The following R3HDM1 variants were observed in gnomAD, a reference collection of about 807,000 sequenced individuals.
R3HDM1 encodes the protein R3H domain containing 1.
Under a neutral mutation model 141.1 loss-of-function variants are expected in R3HDM1, and 46 were observed. That is an observed-to-expected ratio of 0.33 (90% CI 0.26 to 0.42). R3HDM1 has a LOEUF of 0.42. Among genes scored for constraint, R3HDM1 ranks in the 10% least tolerant of loss-of-function variants. The pLI is 1.00. For synonymous variants in R3HDM1, 435 were observed against 472.9 expected (o/e 0.92, Z 1.04); for missense variants, 1,184 against 1,368.3 (o/e 0.87, Z 2.12).
At chr2:135,596,156 G>A (rs74998539) in intron 1 of R3HDM1, among the ~76,000 whole-genome samples, 45 of 152,082 alleles carry the variant, frequency 3.0e-4, no homozygotes, top group Admixed American at 2.5e-3. Flanking sequence ...GCACCACCAC[G>A]CCCAGCTAAT....
In R3HDM1 at chr2:135,686,433, A is replaced by G. The variant is rs1169214448; in HGVS notation, c.2459+6109A>G. ...AGATGTGGAAACAACCTAAATGTCA[A>G]TTGGTGGATGAGTGGATAAAGAAAA... On this transcript the variant is annotated intron_variant, in intron 21 of 26. Coordinates refer to ENST00000683871, the MANE Select transcript of R3HDM1 (RefSeq NM_001378107.1). Among the ~76,000 whole-genome samples the G allele has an allele frequency of 2.6e-5, 4 of 152,184 alleles. No individual in the cohort carries two copies. In the East Asian group the frequency reaches 7.7e-4, roughly 29 times the overall value.
chr2:135,639,821 G>A (rs763944333), intron 14 of R3HDM1, among the ~76,000 whole-genome samples: 1 of 152,186 alleles, frequency 6.6e-6, no homozygotes, highest in African/African-American at 2.4e-5. Flanking sequence ...CCCTGTCCGG[G>A]CGCAGTGGCT....
At chr2:135,715,099 C>T (rs894679117) in intron 23 of R3HDM1, among the ~76,000 whole-genome samples, 3 of 152,172 alleles carry the variant, frequency 2.0e-5, no homozygotes, top group Non-Finnish European at 4.4e-5. Flanking sequence ...CCTGTAATTC[C>T]AGCACTTAGG....
chr2:135,618,463 A>ATTTTTTTTTTTTTTTTTTTTTTT (rs755774961), intron 5 of R3HDM1, among the ~76,000 whole-genome samples: 1 of 124,120 alleles, frequency 8.1e-6, no homozygotes, highest in Non-Finnish European at 1.7e-5. Context: ...CGCCCGGCTG[A>ATTTTTTTTTTTTTTTTTTTTTTT]TTTTTTTTTT....
chr2:135,534,331 T>C (rs1225165904), intron 1 of R3HDM1, among the ~76,000 whole-genome samples: 2 of 152,262 alleles, frequency 1.3e-5, no homozygotes, highest in Non-Finnish European at 2.9e-5. Flanking sequence ...AACTGTTTAA[T>C]ACAGAGTTAA....
At chr2:135,626,209 G>GTGCTTGCTTGCTTGCTTGCTTGCTTGCT (rs56860646) in intron 7 of R3HDM1, among the ~76,000 whole-genome samples, 253 of 143,436 alleles carry the variant, frequency 1.8e-3, no homozygotes, top group African/African-American at 7.1e-3. Flanking sequence ...GCGTGCGTGC[G>GTGCTTGCTTGCTTGCTTGCTTGCTTGCT]TGCTTGCTTG....
Position 135,629,303 on chromosome 2 carries a change from G to A in R3HDM1, c.498-2415G>A, listed in dbSNP as rs528072338. On this transcript the variant is annotated intron_variant, in intron 7 of 26. Transcript: ENST00000683871. ...TGCACTCCAGCCTGGGGGACAGAGC[G>A]AGACTGTCTCAAAAACAAACAAACA... is the stretch of plus-strand genomic sequence containing the variant. Among the ~76,000 whole-genome samples, 23 of 150,168 alleles carry A rather than the reference G, an allele frequency of 1.5e-4. No homozygotes were observed. The East Asian group carries it at 3.3e-3, about 22-fold the overall frequency.
At position 135,576,289 on chromosome 2, in the gene R3HDM1, A is replaced by G. The variant is rs569552302; in HGVS notation, c.-249-26211A>G. Among the ~76,000 whole-genome samples the G allele has an allele frequency of 3.3e-5, 5 of 151,604 alleles. No individual in the cohort carries two copies. In the East Asian group the frequency reaches 9.7e-4, roughly 29 times the overall value. On this transcript the variant is annotated intron_variant, in intron 1 of 26. Transcript: ENST00000683871. ...GCTGAGAGATGGGACAATTGCTTGA[A>G]CCCGGGACATCCAAGACAGCAGTGT...
intron 1 of R3HDM1, among the ~76,000 whole-genome samples, chr2:135,598,223 G>A (rs964805934): frequency 1.3e-5 from 2 of 152,110 alleles, no homozygotes; most frequent in Non-Finnish European, 2.9e-5. Context: ...AGTTTGCATA[G>A]TTGGTACTCA....
Position 135,715,702 on chromosome 2 carries a change from C to T in R3HDM1, c.2881+8C>T. On this transcript the variant is annotated splice_region_variant and intron_variant, in intron 24 of 26. Coordinates refer to ENST00000683871, the MANE Select transcript of R3HDM1 (RefSeq NM_001378107.1). Reference sequence around the variant, plus strand: ...CTTTTGTCCCCGGGCAAGGTAAGTGCACATGAAACTAGTCACAACTTCAGA... The same window carrying T: ...CTTTTGTCCCCGGGCAAGGTAAGTGTACATGAAACTAGTCACAACTTCAGA... 2 of 1,609,194 alleles carry T rather than the reference C, an allele frequency of 1.2e-6. No individual in the cohort carries two copies. The highest frequency in any genetic ancestry group is 1.7e-6 in the Non-Finnish European group (2 of 1,177,846).
At chr2:135,581,342 T>C (rs1418642836) in intron 1 of R3HDM1, 1 of 985,286 alleles carries the variant, frequency 1.0e-6, no homozygotes, top group African/African-American at 1.7e-5. Context: ...TCCAATTCCA[T>C]TTCCCACCTG....
chr2:135,635,089 A>G (rs891096832), intron 9 of R3HDM1, among the ~76,000 whole-genome samples: 1 of 152,186 alleles, frequency 6.6e-6, no homozygotes, highest in Admixed American at 6.6e-5. Context: ...TTAGGTCACA[A>G]CTTTGACTTC....
intron 21 of R3HDM1, among the ~76,000 whole-genome samples, chr2:135,682,427 A>C (rs964162524): frequency 7.9e-5 from 12 of 152,144 alleles, no homozygotes; most frequent in African/African-American, 2.9e-4. Flanking sequence ...CTTGTGAGAG[A>C]GCTTGCCATA....
chr2:135,546,281 TG>T (rs1698674257), intron 1 of R3HDM1, among the ~76,000 whole-genome samples: 1 of 152,136 alleles, frequency 6.6e-6, no homozygotes, highest in Non-Finnish European at 1.5e-5. Flanking sequence ...GAAATCGACC[TG>T]GTCCCAGACA....
At chr2:135,699,105 T>TAGATAGATAGATAGATAGATAGATA (rs1332113353) in intron 21 of R3HDM1, among the ~76,000 whole-genome samples, 4 of 73,746 alleles carry the variant, frequency 5.4e-5, no homozygotes, top group African/African-American at 1.5e-4. Flanking sequence ...ATAGATAGAT[T>TAGATAGATAGATAGATAGATAGATA]AGATATTCCA....
chr2:135,687,899 A>G (rs550921788), intron 21 of R3HDM1, among the ~76,000 whole-genome samples: 1 of 152,260 alleles, frequency 6.6e-6, no homozygotes, highest in Non-Finnish European at 1.5e-5. Flanking sequence ...TCAGAGTTAC[A>G]TAAAGAAAAA....
intron 19 of R3HDM1, among the ~76,000 whole-genome samples, chr2:135,671,994 C>T (rs2068446726): frequency 6.6e-6 from 1 of 150,828 alleles, no homozygotes; most frequent in Admixed American, 6.6e-5. Flanking sequence ...AAAAGGCATA[C>T]GCAAACCATG....
intron 21 of R3HDM1, among the ~76,000 whole-genome samples, chr2:135,685,922 A>G (rs1373282425): frequency 2.0e-5 from 3 of 152,174 alleles, no homozygotes; most frequent in African/African-American, 7.2e-5. Context: ...AGAACTTTGT[A>G]TATGGAAACT....
chr2:135,581,002 G>C (rs1268874305), intron 1 of R3HDM1, among the ~76,000 whole-genome samples: 1 of 152,122 alleles, frequency 6.6e-6, no homozygotes, highest in Non-Finnish European at 1.5e-5. Flanking sequence ...GTCCCCCTCA[G>C]ATACTTCCAT....
Sources: allele counts gnomAD v4.1 joint callset (sites outside exome capture counted in the v4.1 genomes callset), GRCh38; gene constraint gnomAD v4.1.1; transcripts MANE v1.5; gene names NCBI Gene and HGNC (gene_info 2026-07-23, HGNC 2026-07-21).